Variants in GPA33 observed in about 807,000 individuals in gnomAD.
GPA33 encodes glycoprotein A33.
GPA33 carries 27 observed loss-of-function variants against 35.6 expected under a neutral mutation model. The observed-to-expected ratio is 0.76, with a 90% CI of 0.56 to 1.04. GPA33 has a LOEUF of 1.04. Among genes scored for constraint, GPA33 ranks in the 50% least tolerant of loss-of-function variants. The probability of loss-of-function intolerance (pLI) is 0.00; values close to 1 mark genes in which losing one functional copy is unlikely to be tolerated. For missense variants in GPA33, 428 were observed against 411.9 expected (o/e 1.04, Z -0.34); for synonymous variants, 176 against 164.0 (o/e 1.07, Z -0.56).
At chr1:167,056,847 A>ATGGT (rs1558002243) in intron 4 of GPA33, among the ~76,000 whole-genome samples, 176 of 140,692 alleles carry the variant, frequency 1.3e-3, no homozygotes, top group East Asian at 1.7e-3. Flanking sequence ...GTGAGTGTGT[A>ATGGT]ATGTGTGTGG....
In GPA33 at chr1:167,061,586, G is replaced by GTTT. The variant is rs397981830; in HGVS notation, c.571+1993_571+1995dup. 6.4e-3 allele frequency among the ~76,000 whole-genome samples: 478 copies of GTTT among 74,656 alleles called. 88 individuals carry two copies. The highest frequency in any genetic ancestry group is 0.024 in the African/African-American group (428 of 17,844). The allele number at this position is 74,656 out of a possible 152,430, so 49.0% of individuals were successfully genotyped here. A position where few individuals can be genotyped will look rare whatever the true frequency, so the allele number is the denominator to read the frequency against. On this transcript the variant is annotated intron_variant, in intron 4 of 6. Coordinates refer to ENST00000367868, the MANE Select transcript of GPA33 (RefSeq NM_005814.3). The stretch of plus-strand genomic sequence containing the variant: ...TTAGGTCGAGTGGATTCTACTAACT[G>GTTT]TTTTTTTTTTTTTTTTTTTTTTTTT...
intron 6 of GPA33, among the ~76,000 whole-genome samples, 174 bp downstream of exon 6, chr1:167,054,802 G>A (rs1205697321): frequency 2.2e-4 from 34 of 152,176 alleles, no homozygotes; most frequent in Admixed American, 2.2e-3. Flanking sequence ...TGGGAGGCAG[G>A]TCCTGGGGCT....
chr1:167,082,288 G>T (rs138485380), intron 1 of GPA33: 2 of 456,274 alleles, frequency 4.4e-6, no homozygotes, highest in South Asian at 1.5e-5. Context: ...TTTCTTCTAT[G>T]TGTACTTTTA....
At chr1:167,055,403 G>A (rs922358812) in intron 5 of GPA33, among the ~76,000 whole-genome samples, 1 of 152,012 alleles carries the variant, frequency 6.6e-6, no homozygotes, top group Non-Finnish European at 1.5e-5. Flanking sequence ...ACCCCAGAAG[G>A]ATGTGGTCCA....
chr1:167,055,295 G>A (rs77901969), intron 5 of GPA33, among the ~76,000 whole-genome samples, 184 bp from the exon 6 acceptor site: 2,854 of 152,292 alleles, frequency 0.019, 96 homozygotes, highest in African/African-American at 0.064. Context: ...AGAGACATAT[G>A]GTCCACTTCA....
chr1:167,090,266 C>T lies in GPA33; in HGVS notation c.22G>A (p.Val8Met). The T allele has an allele frequency of 6.2e-7, 1 of 1,613,754 alleles. No individual in the cohort carries two copies. The highest frequency in any genetic ancestry group is 8.5e-7 in the Non-Finnish European group (1 of 1,179,640). MVGKMWP[V>M]LWTLCAVRVT... ...TCACCTGCACAGAGTGTCCACAACA[C>T]AGGCCACATCTTCCCCACCATGGTC... Residue 8 changes from valine (V) to methionine (M), a missense_variant, in exon 1 of 7, where the codon GTG becomes ATG. Coordinates refer to ENST00000367868, the MANE Select transcript of GPA33 (RefSeq NM_005814.3).
At chr1:167,057,182 G>A (rs1320382845) in intron 4 of GPA33, among the ~76,000 whole-genome samples, 5 of 152,030 alleles carry the variant, frequency 3.3e-5, no homozygotes, top group South Asian at 4.1e-4. Context: ...TCGGAAAGCA[G>A]GAGTGAAAAC....
Position 167,063,634 on chromosome 1 carries a change from G to C in GPA33, c.519C>G (p.Tyr173Ter). 1 of 1,613,762 alleles carries C rather than the reference G, an allele frequency of 6.2e-7. No individual in the cohort carries two copies. The highest frequency in any genetic ancestry group is 8.5e-7 in the Non-Finnish European group (1 of 1,179,974). Residue 173 changes from tyrosine (Y) to a stop codon, truncating the protein, a stop_gained, in exon 4 of 7, where the codon TAC becomes TAG. Transcript: ENST00000367868. LOFTEE classifies it high-confidence loss of function. ...QSKEGSPTPQ[Y>*]SWKRYNILNQ... ...TCAGGATGTTGTACCTCTTCCAGCT[G>C]TACTGAGGGGTTGGTGAGCCCTCCT...
rs1474353432 is a variant in GPA33, at chr1:167,053,986, G to T, written c.*348C>A. Reference sequence around the variant, plus strand: ...CCCCAAGGCTGGCATCGCCTCCCTGGAGAGTTCTGAGTGGGAGCGCCCCAT... The same window carrying T: ...CCCCAAGGCTGGCATCGCCTCCCTGTAGAGTTCTGAGTGGGAGCGCCCCAT... On this transcript the variant is annotated 3_prime_UTR_variant, in exon 7 of 7. Transcript: ENST00000367868. 7.0e-6 allele frequency: 2 copies of T among 285,056 alleles called. No homozygotes were observed. The highest frequency in any genetic ancestry group is 2.2e-5 in the African/African-American group (1 of 45,560). 17.7% of individuals were successfully genotyped at this position (285,056 alleles called of 1,614,324 possible).
At chr1:167,064,158 C>A (rs559217246) in intron 3 of GPA33, among the ~76,000 whole-genome samples, 3 of 152,260 alleles carry the variant, frequency 2.0e-5, no homozygotes, top group South Asian at 4.1e-4. Flanking sequence ...GTGGCACCCA[C>A]CTATAATCCC....
chr1:167,055,921 T>C, intron 4 of GPA33, 72 bp from the exon 5 acceptor site: 5 of 1,517,448 alleles, frequency 3.3e-6, no homozygotes, highest in Non-Finnish European at 4.6e-6. Context: ...ATGGGAGGTC[T>C]GGACTCCTTG....
chr1:167,055,587 C>G lies in GPA33; in HGVS notation c.691+143G>C. ...GGAGCCTGGGACAGAGTCATCCTGCCTAGGTCACCACAGCTAACCTGCAGG... is the reference window on the plus strand; with the variant it reads ...GGAGCCTGGGACAGAGTCATCCTGCGTAGGTCACCACAGCTAACCTGCAGG... On this transcript the variant is annotated intron_variant, in intron 5 of 6. Coordinates refer to ENST00000367868, the MANE Select transcript of GPA33 (RefSeq NM_005814.3). The G allele has an allele frequency of 3.5e-6, 3 of 859,352 alleles. 1 individual carries two copies. The South Asian group carries it at 4.6e-5, about 13-fold the overall frequency. The allele number at this position is 859,352 out of a possible 1,614,324, so 53.2% of individuals were successfully genotyped here. A position where few individuals can be genotyped will look rare whatever the true frequency, so the allele number is the denominator to read the frequency against.
intron 3 of GPA33, among the ~76,000 whole-genome samples, chr1:167,066,840 C>T (rs1359645468): frequency 6.6e-6 from 1 of 152,176 alleles, no homozygotes; most frequent in Non-Finnish European, 1.5e-5. Context: ...TCCCCGGTCC[C>T]GGAGCCCCAG....
intron 1 of GPA33, among the ~76,000 whole-genome samples, chr1:167,089,940 C>G (rs982771489): frequency 1.3e-5 from 2 of 152,050 alleles, no homozygotes; most frequent in African/African-American, 4.8e-5. Flanking sequence ...ATTTCAAATA[C>G]TTTGTCCACA....
intron 2 of GPA33, among the ~76,000 whole-genome samples, chr1:167,072,566 G>A (rs898070947): frequency 4.6e-5 from 7 of 152,074 alleles, no homozygotes; most frequent in African/African-American, 1.7e-4. Flanking sequence ...TGTATATATA[G>A]AGAGGTACAT....
At chr1:167,071,803 A>G (rs150150296) in intron 2 of GPA33, among the ~76,000 whole-genome samples, 7 of 152,190 alleles carry the variant, frequency 4.6e-5, no homozygotes, top group African/African-American at 1.7e-4. Flanking sequence ...CTGTCACAAT[A>G]ATCTCCTTGA....
At chr1:167,088,017 T>A (rs1667088856) in intron 1 of GPA33, among the ~76,000 whole-genome samples, 1 of 152,170 alleles carries the variant, frequency 6.6e-6, no homozygotes, top group South Asian at 2.1e-4. Flanking sequence ...GCCCCCTGCA[T>A]GGAACCTTAT....
At chr1:167,056,759 G>GAGTGTGTGT (rs1666296226) in intron 4 of GPA33, among the ~76,000 whole-genome samples, 232 of 26,688 alleles carry the variant, frequency 8.7e-3, no homozygotes, top group Admixed American at 9.6e-3. Flanking sequence ...TGTGTATGGC[G>GAGTGTGTGT]TGTGTGTGGT....
intron 4 of GPA33, among the ~76,000 whole-genome samples, chr1:167,060,129 A>G (rs1161243103): frequency 6.6e-6 from 1 of 152,212 alleles, no homozygotes. Context: ...CCCAGGCTGC[A>G]GTGGCACCAT....
Sources: gnomAD v4.1 joint callset for allele counts (sites outside exome capture counted in the v4.1 genomes callset) on GRCh38, gnomAD v4.1.1 for gene constraint, MANE v1.5 for transcripts, NCBI Gene and HGNC (gene_info 2026-07-23, HGNC 2026-07-21) for gene names.